HMGCLL1: variants seen among roughly 807,000 people sequenced by gnomAD.
HMGCLL1 encodes 3-hydroxy-3-methylglutaryl-CoA lyase like 1.
A neutral mutation model predicts 39.1 loss-of-function variants in HMGCLL1; 36 were observed. The ratio of observed to expected loss-of-function variants is 0.92; its 90% CI spans 0.71 to 1.22. The LOEUF is 1.22. Ranked by LOEUF, HMGCLL1 falls within the 50% of genes most tolerant of loss-of-function variation. The pLI is 0.00. For synonymous variants in HMGCLL1, 149 were observed against 144.0 expected (o/e 1.03, Z -0.25); for missense variants, 451 against 416.5 (o/e 1.08, Z -0.72).
intron 1 of HMGCLL1, among the ~76,000 whole-genome samples, chr6:55,556,294 T>C (rs1770662329): frequency 6.6e-6 from 1 of 151,966 alleles, no homozygotes; most frequent in Non-Finnish European, 1.5e-5. Flanking sequence ...AAGAAATAGG[T>C]TGCCATTTTA....
chr6:55,458,710 T>A (rs1025967950), intron 7 of HMGCLL1, among the ~76,000 whole-genome samples: 3 of 152,194 alleles, frequency 2.0e-5, no homozygotes, highest in African/African-American at 7.2e-5. Flanking sequence ...ATCAAGTCAG[T>A]ATCATTAGTG....
the HMGCLL1 span, among the ~76,000 whole-genome samples, chr6:55,645,869 T>C: frequency 6.6e-6 from 1 of 151,844 alleles, no homozygotes; most frequent in Non-Finnish European, 1.5e-5. Flanking sequence ...TAATGTATCT[T>C]TGTCTGGTTT....
At chr6:55,664,594 C>A in the HMGCLL1 span, among the ~76,000 whole-genome samples, 3 of 151,672 alleles carry the variant, frequency 2.0e-5, no homozygotes, top group African/African-American at 7.3e-5. Flanking sequence ...CTATCTATTA[C>A]TTTGTAGCCA....
chr6:55,564,862 G>T (rs1332699776), intron 1 of HMGCLL1, among the ~76,000 whole-genome samples: 5 of 151,366 alleles, frequency 3.3e-5, no homozygotes, highest in Admixed American at 3.3e-4. Flanking sequence ...AACCACTATG[G>T]AATAACTTTA....
At chr6:55,663,783 C>T in the HMGCLL1 span, among the ~76,000 whole-genome samples, 1 of 151,642 alleles carries the variant, frequency 6.6e-6, no homozygotes, top group East Asian at 1.9e-4. Flanking sequence ...TTGATGTCTC[C>T]CACTATTATT....
At chr6:55,592,315 G>C in the HMGCLL1 span, among the ~76,000 whole-genome samples, 1 of 151,812 alleles carries the variant, frequency 6.6e-6, no homozygotes, top group Non-Finnish European at 1.5e-5. Flanking sequence ...CTATTGCATA[G>C]TTATAAGTTC....
chr6:55,538,512 C>A (rs974439135), intron 3 of HMGCLL1, among the ~76,000 whole-genome samples: 1 of 152,102 alleles, frequency 6.6e-6, no homozygotes, highest in Non-Finnish European at 1.5e-5. Context: ...TAGCATTTTA[C>A]AAATTGACAA....
chr6:55,574,516 A>G (rs1335550619), intron 1 of HMGCLL1, among the ~76,000 whole-genome samples: 3 of 122,028 alleles, frequency 2.5e-5, no homozygotes, highest in Non-Finnish European at 3.6e-5. Context: ...TTAAGGGTAT[A>G]GTAAAAAAAA....
rs547754219 is a variant in HMGCLL1, at chr6:55,543,030, A to G, written c.109-890T>C. Among the ~76,000 whole-genome samples, 200 of 114,152 alleles carry G rather than the reference A, an allele frequency of 1.8e-3. 3 individuals are homozygous for G. Among genetic ancestry groups the G allele is most frequent in the African/African-American group, 6.8e-3 (195 of 28,516 alleles). 74.9% of individuals were successfully genotyped at this position (114,152 alleles called of 152,430 possible). A position where few individuals can be genotyped will look rare whatever the true frequency, so the allele number is the denominator to read the frequency against. ...TATAATATATCATATATAGATATAT[A>G]ATACATCATATATAATATATCATAT... On this transcript the variant is annotated intron_variant, in intron 1 of 8. Transcript: ENST00000274901.
chr6:55,629,559 T>C, the HMGCLL1 span, among the ~76,000 whole-genome samples: 33 of 152,216 alleles, frequency 2.2e-4, no homozygotes, highest in Non-Finnish European at 3.2e-4. Context: ...CGAATGTTAA[T>C]CTCCAAGACA....
the HMGCLL1 span, among the ~76,000 whole-genome samples, chr6:55,638,365 C>A: frequency 6.7e-6 from 1 of 150,194 alleles, no homozygotes; most frequent in South Asian, 2.1e-4. Flanking sequence ...TGAGATGGTG[C>A]CATTGCACTC....
the HMGCLL1 span, among the ~76,000 whole-genome samples, chr6:55,584,487 C>T: frequency 6.5e-4 from 99 of 152,200 alleles, no homozygotes; most frequent in African/African-American, 2.3e-3. Flanking sequence ...TAAATTACTA[C>T]CATATAATAA....
the HMGCLL1 span, among the ~76,000 whole-genome samples, chr6:55,604,172 A>C: frequency 6.6e-6 from 1 of 152,114 alleles, no homozygotes; most frequent in Non-Finnish European, 1.5e-5. Context: ...CTTCACCCCT[A>C]GTGAATGTTT....
the HMGCLL1 span, among the ~76,000 whole-genome samples, chr6:55,649,048 G>T: frequency 6.6e-6 from 1 of 152,066 alleles, no homozygotes; most frequent in Non-Finnish European, 1.5e-5. Flanking sequence ...GACTTGAATA[G>T]TTGCTGTAGT....
At chr6:55,562,879 A>C (rs1190729149) in intron 1 of HMGCLL1, among the ~76,000 whole-genome samples, 1 of 151,936 alleles carries the variant, frequency 6.6e-6, no homozygotes, top group African/African-American at 2.4e-5. Flanking sequence ...GCAGTTCCTA[A>C]TTTCTCTTTG....
chr6:55,575,758 CA>C (rs140954817), intron 1 of HMGCLL1, among the ~76,000 whole-genome samples: 13,025 of 151,996 alleles, frequency 0.086, 774 homozygotes, highest in Non-Finnish European at 0.13. Context: ...TCCTATGAGA[CA>C]AAAAGGTGAG....
chr6:55,581,438 A>G (rs973157777), upstream of HMGCLL1, among the ~76,000 whole-genome samples: 4 of 152,174 alleles, frequency 2.6e-5, no homozygotes, highest in African/African-American at 9.6e-5. Flanking sequence ...AATCTAATGA[A>G]TAAACAGGAG....
At chr6:55,532,945 C>T (rs1034974235) in intron 3 of HMGCLL1, among the ~76,000 whole-genome samples, 2 of 150,932 alleles carry the variant, frequency 1.3e-5, no homozygotes, top group Non-Finnish European at 3.0e-5. Flanking sequence ...TATAAATAGG[C>T]TTTGGGCAAT....
At chr6:55,658,482 A>G in the HMGCLL1 span, among the ~76,000 whole-genome samples, 1 of 151,950 alleles carries the variant, frequency 6.6e-6, no homozygotes, top group African/African-American at 2.4e-5. Flanking sequence ...GGCTTCTGTC[A>G]ACTTGGGCAC....
Sources: gnomAD v4.1 joint callset for allele counts (sites outside exome capture counted in the v4.1 genomes callset) on GRCh38, gnomAD v4.1.1 for gene constraint, MANE v1.5 for transcripts, NCBI Gene and HGNC (gene_info 2026-07-23, HGNC 2026-07-21) for gene names.